ZC4H2: variants seen among roughly 807,000 people sequenced by gnomAD.
ZC4H2 encodes the protein zinc finger C4H2 domain-containing protein.
For synonymous variants in ZC4H2, 84 were observed against 66.3 expected (o/e 1.27, Z -1.30); for missense variants, 137 against 173.9 (o/e 0.79, Z 1.19).
At chrX:64,954,506 AG>A (rs1166787067) in intron 1 of ZC4H2, among the ~76,000 whole-genome samples, 1 of 101,700 alleles carries the variant, frequency 9.8e-6, no homozygotes, top group African/African-American at 3.8e-5. Context: ...GAAAGAATGA[AG>A]TTTTCTTTTT....
chrX:64,963,569 C>A (rs1377922457), intron 1 of ZC4H2, among the ~76,000 whole-genome samples: 2 of 110,742 alleles, frequency 1.8e-5, no homozygotes, highest in African/African-American at 3.3e-5. Context: ...TATAAGAAAT[C>A]CTACAAACCA....
chrX:64,939,500 G>T (rs751329554), intron 1 of ZC4H2, among the ~76,000 whole-genome samples: 12 of 112,032 alleles, frequency 1.1e-4, no homozygotes, highest in Non-Finnish European at 2.3e-4. Flanking sequence ...TAAGCAAAAA[G>T]AACAAAGCTG....
chrX:64,932,075 G>A (rs755397984), intron 1 of ZC4H2, among the ~76,000 whole-genome samples: 1 of 110,317 alleles, frequency 9.1e-6, no homozygotes, highest in South Asian at 3.8e-4. Flanking sequence ...ATATTTTCCT[G>A]TTGGACTAAT....
intron 1 of ZC4H2, among the ~76,000 whole-genome samples, chrX:64,984,777 T>G (rs1163359626): frequency 3.6e-5 from 4 of 112,327 alleles, no homozygotes; most frequent in Non-Finnish European, 7.5e-5. Context: ...GGATTTGTTT[T>G]GGGAAGGGGC....
At chrX:64,952,082 C>G (rs1296253807) in intron 1 of ZC4H2, among the ~76,000 whole-genome samples, 9 of 110,512 alleles carry the variant, frequency 8.1e-5, no homozygotes, top group African/African-American at 1.3e-4. Context: ...GCTTGTTTTT[C>G]TCAGGTTTGT....
intron 1 of ZC4H2, among the ~76,000 whole-genome samples, chrX:64,988,734 C>T (rs759195333): frequency 5.0e-4 from 56 of 111,193 alleles, no homozygotes; most frequent in African/African-American, 1.8e-3. Flanking sequence ...TAACTAGATC[C>T]CATCTGTCAA....
At chrX:65,021,779 C>A (rs1372691200) in intron 1 of ZC4H2, among the ~76,000 whole-genome samples, 1 of 110,638 alleles carries the variant, frequency 9.0e-6, no homozygotes, top group African/African-American at 3.4e-5. Flanking sequence ...AGACCACAAG[C>A]CAGACTAATA....
chrX:65,005,019 T>A (rs1307262857), intron 1 of ZC4H2, among the ~76,000 whole-genome samples: 1 of 111,137 alleles, frequency 9.0e-6, no homozygotes, highest in African/African-American at 3.3e-5. Flanking sequence ...GAATAAAACT[T>A]CAAAGGGATG....
At chrX:65,023,680 T>C (rs1030062494) in intron 1 of ZC4H2, among the ~76,000 whole-genome samples, 1 of 111,562 alleles carries the variant, frequency 9.0e-6, no homozygotes, top group African/African-American at 3.3e-5. Context: ...GATTCAACTA[T>C]TGTGGAAGAC....
intron 1 of ZC4H2, among the ~76,000 whole-genome samples, chrX:64,958,576 C>T (rs973753974): frequency 1.8e-5 from 2 of 111,640 alleles, no homozygotes; most frequent in Non-Finnish European, 3.8e-5. Flanking sequence ...TCCCACTTTG[C>T]CTCAATCTCC....
intron 2 of ZC4H2, among the ~76,000 whole-genome samples, 174 bp downstream of exon 2, chrX:64,921,643 A>C (rs1166305437): frequency 4.5e-5 from 5 of 111,640 alleles, no homozygotes; most frequent in African/African-American, 1.6e-4. Flanking sequence ...ATAGTCAGTT[A>C]GTGACAGAGC....
intron 1 of ZC4H2, among the ~76,000 whole-genome samples, chrX:64,983,192 A>C (rs1476046662): frequency 8.9e-6 from 1 of 111,950 alleles, no homozygotes; most frequent in Admixed American, 9.5e-5. Flanking sequence ...CTCAAGGGCA[A>C]ATAACTTCCC....
chrX:64,974,068 C>T (rs1269024382), intron 1 of ZC4H2, among the ~76,000 whole-genome samples: 1 of 111,202 alleles, frequency 9.0e-6, no homozygotes, highest in Non-Finnish European at 1.9e-5. Context: ...CCAATCCTGC[C>T]CTCTTTCTCC....
intron 1 of ZC4H2, among the ~76,000 whole-genome samples, chrX:64,950,678 T>A (rs1930764849): frequency 9.0e-6 from 1 of 111,223 alleles, no homozygotes; most frequent in South Asian, 3.8e-4. Flanking sequence ...AATCCCCACC[T>A]TTTTTGTTTT....
chrX:64,997,688 G>T (rs1193762070), intron 1 of ZC4H2, among the ~76,000 whole-genome samples: 1 of 111,943 alleles, frequency 8.9e-6, no homozygotes, highest in African/African-American at 3.3e-5. Flanking sequence ...GGTCATTGCA[G>T]CCTCGATCAC....
intron 1 of ZC4H2, among the ~76,000 whole-genome samples, chrX:64,933,292 C>A (rs2147364276): frequency 9.0e-6 from 1 of 111,028 alleles, no homozygotes; most frequent in Non-Finnish European, 1.9e-5. Context: ...AGTTGGTTTT[C>A]ACCTTTCTCT....
intron 1 of ZC4H2, among the ~76,000 whole-genome samples, chrX:64,993,939 C>T (rs766017634): frequency 5.4e-5 from 6 of 111,763 alleles, no homozygotes; most frequent in African/African-American, 9.8e-5. Flanking sequence ...AGTAAATTTG[C>T]CAAAACCACT....
intron 1 of ZC4H2, among the ~76,000 whole-genome samples, chrX:64,955,632 A>G (rs769539954): frequency 8.9e-6 from 1 of 111,990 alleles, no homozygotes; most frequent in African/African-American, 3.2e-5. Context: ...TCTGATGTGA[A>G]TAGCTTTTCC....
upstream of ZC4H2, among the ~76,000 whole-genome samples, chrX:64,979,123 A>G (rs778835795): frequency 1.5e-4 from 17 of 112,107 alleles, no homozygotes; most frequent in African/African-American, 5.2e-4. Context: ...AACTGAGACC[A>G]AGAGAGGCAA....
Sources: allele counts gnomAD v4.1 joint callset (sites outside exome capture counted in the v4.1 genomes callset), GRCh38; gene constraint gnomAD v4.1.1; transcripts MANE v1.5; gene names NCBI Gene and HGNC (gene_info 2026-07-23, HGNC 2026-07-21).